KLHL13: variants seen among roughly 807,000 people sequenced by gnomAD.
The protein encoded by KLHL13 is kelch-like protein 13.
Under a neutral mutation model 37.1 loss-of-function variants are expected in KLHL13, and 10 were observed. The observed-to-expected ratio is 0.27, with a 90% confidence interval of 0.17 to 0.46. The LOEUF is 0.46. KLHL13 is among the 20% of genes least tolerant of loss of function. The pLI is 1.00. For missense variants in KLHL13, 360 were observed against 509.3 expected (o/e 0.71, Z 2.82); for synonymous variants, 163 against 181.2 (o/e 0.90, Z 0.81).
rs191324532 is a variant in KLHL13 at position 118,056,859 on chromosome X, T to G, written c.-56+59649A>C. On this transcript the variant is annotated intron_variant, in intron 1 of 6. Coordinates refer to the KLHL13 transcript ENST00000371882. ...CTTCCTCAAGTTTGTTGTGAGGATA[T>G]ATGAACAGCTGACATATAATAGGTG... 2.0e-3 allele frequency among the ~76,000 whole-genome samples: 219 copies of G among 112,154 alleles called. 1 individual carries two copies. Among genetic ancestry groups the G allele is most frequent in the African/African-American group, 6.5e-3 (201 of 30,943 alleles).
In KLHL13 at chrX:118,023,697, T is replaced by C. The variant is rs767729354; in HGVS notation, c.-55-78122A>G. ...GATTCTCATGCCTCAGCCTCCCAAA[T>C]AGCTGGAATTACAGGTGTGCACCAC... On this transcript the variant is annotated intron_variant, in intron 1 of 6. Coordinates refer to the KLHL13 transcript ENST00000371882. 8.1e-5 allele frequency among the ~76,000 whole-genome samples: 9 copies of C among 111,408 alleles called. No individual in the cohort carries two copies. The East Asian group carries it at 2.3e-3, about 28-fold the overall frequency.
chrX:117,982,190 T>C, intron 1 of KLHL13, among the ~76,000 whole-genome samples: 1 of 110,057 alleles, frequency 9.1e-6, no homozygotes, highest in Non-Finnish European at 1.9e-5. Context: ...GTAAATACAT[T>C]GTTACAGTAA....
chrX:117,908,097 ATTT>A (rs1228500412), intron 5 of KLHL13, among the ~76,000 whole-genome samples: 1 of 105,991 alleles, frequency 9.4e-6, no homozygotes. Context: ...TTATTTATTT[ATTT>A]ATTTATTTAT....
chrX:118,116,912 C>G (rs910597052), upstream of KLHL13: 2 of 102,743 alleles, frequency 1.9e-5, no homozygotes, highest in Admixed American at 1.0e-4. Context: ...CGGGGGTGGC[C>G]CCGGCGGCGC....
At chrX:117,987,269 A>T (rs971690789) in intron 1 of KLHL13, among the ~76,000 whole-genome samples, 1 of 111,472 alleles carries the variant, frequency 9.0e-6, no homozygotes, top group African/African-American at 3.3e-5. Context: ...TCACCCAAAG[A>T]TCCATATAAT....
At chrX:117,918,269 A>G (rs2147684320) in intron 4 of KLHL13, among the ~76,000 whole-genome samples, 1 of 111,705 alleles carries the variant, frequency 9.0e-6, no homozygotes, top group Non-Finnish European at 1.9e-5. Context: ...AACATACAAA[A>G]AACACACTTT....
intron 5 of KLHL13, among the ~76,000 whole-genome samples, chrX:117,906,932 A>G (rs1183364832): frequency 3.6e-5 from 4 of 111,417 alleles, no homozygotes; most frequent in Non-Finnish European, 7.6e-5. Flanking sequence ...GCAGTTTATG[A>G]AATAAGATTA....
At chrX:117,958,902 AAAAT>A (rs2053245404) in intron 1 of KLHL13, among the ~76,000 whole-genome samples, 1 of 111,928 alleles carries the variant, frequency 8.9e-6, no homozygotes, top group East Asian at 2.8e-4. Context: ...GCACCAAATA[AAAAT>A]AAATAAATAA....
intron 4 of KLHL13, among the ~76,000 whole-genome samples, chrX:117,914,024 A>G (rs1213178653): frequency 9.0e-6 from 1 of 110,667 alleles, no homozygotes; most frequent in Non-Finnish European, 1.9e-5. Context: ...CACTTCCAAC[A>G]TCATAATATT....
chrX:117,992,780 T>C (rs1240878232), intron 1 of KLHL13, among the ~76,000 whole-genome samples: 2 of 111,809 alleles, frequency 1.8e-5, no homozygotes, highest in Non-Finnish European at 3.8e-5. Flanking sequence ...TTCTAAACTC[T>C]TTCAGCAGTT....
intron 1 of KLHL13, chrX:117,985,259 T>C (rs2053710225): frequency 8.7e-7 from 1 of 1,143,639 alleles, no homozygotes; most frequent in Non-Finnish European, 1.2e-6. Flanking sequence ...CATTTTTCTC[T>C]TAAGGTTTGA....
At chrX:117,943,870 C>G (rs1372896318) in intron 2 of KLHL13, among the ~76,000 whole-genome samples, 1 of 110,397 alleles carries the variant, frequency 9.1e-6, no homozygotes. Flanking sequence ...TGTTCCTTTG[C>G]TGGCGAGGAG....
chrX:117,947,502 C>T (rs1038014267), intron 1 of KLHL13: 13 of 111,725 alleles, frequency 1.2e-4, no homozygotes, highest in East Asian at 1.1e-3. Flanking sequence ...TGACATATCC[C>T]GGAAATTGCT....
At chrX:118,058,096 A>C (rs2054704530) in intron 1 of KLHL13, among the ~76,000 whole-genome samples, 1 of 111,117 alleles carries the variant, frequency 9.0e-6, no homozygotes, top group African/African-American at 3.3e-5. Flanking sequence ...CAGGAATCTA[A>C]CCCAGGACTG....
At chrX:117,930,322 A>C (rs189661617) in intron 2 of KLHL13, among the ~76,000 whole-genome samples, 1,307 of 73,540 alleles carry the variant, frequency 0.018, 42 homozygotes, top group African/African-American at 0.07. Flanking sequence ...GGCAGGCAGG[A>C]AGGCAGGAAG....
At chrX:118,056,016 A>G (rs974792223) in intron 1 of KLHL13, among the ~76,000 whole-genome samples, 1 of 111,617 alleles carries the variant, frequency 9.0e-6, no homozygotes, top group Non-Finnish European at 1.9e-5. Flanking sequence ...GAGGAAGTAA[A>G]ACTATTTTTA....
intron 1 of KLHL13, among the ~76,000 whole-genome samples, chrX:118,093,191 T>C (rs193228698): frequency 7.1e-5 from 8 of 112,093 alleles, no homozygotes; most frequent in African/African-American, 2.6e-4. Flanking sequence ...TCTTCTTGTA[T>C]AAACGTCTTA....
chrX:118,052,934 G>A (rs1223569073), intron 1 of KLHL13, among the ~76,000 whole-genome samples: 2 of 111,232 alleles, frequency 1.8e-5, no homozygotes, highest in Non-Finnish European at 3.8e-5. Context: ...AGCCCATAAA[G>A]AAAATAATGT....
chrX:117,994,084 A>C (rs2053826625), intron 1 of KLHL13, among the ~76,000 whole-genome samples: 1 of 111,852 alleles, frequency 8.9e-6, no homozygotes. Flanking sequence ...TTTCAAAAGC[A>C]AATTTTGCTC....
Sources: allele counts gnomAD v4.1 joint callset (sites outside exome capture counted in the v4.1 genomes callset), GRCh38; gene constraint gnomAD v4.1.1; transcripts MANE v1.5; gene names NCBI Gene and HGNC (gene_info 2026-07-23, HGNC 2026-07-21).